WWP1: variants seen among roughly 807,000 people sequenced by gnomAD.
WWP1 encodes the protein WW domain containing E3 ubiquitin protein ligase 1, also known as NEDD4-like E3 ubiquitin-protein ligase WWP1.
In WWP1, 49 loss-of-function variants were observed where a neutral mutation model predicts 130.6. The ratio of observed to expected loss-of-function variants is 0.38; its 90% CI spans 0.30 to 0.48. The LOEUF is 0.48. Ranked by LOEUF, WWP1 falls within the 20% of genes least tolerant of loss-of-function variation. The pLI is 0.99. For missense variants in WWP1, 809 were observed against 1,100.6 expected, an observed-to-expected ratio of 0.74 and a Z score of 3.75; for synonymous variants, 332 against 367.8, an observed-to-expected ratio of 0.90 and a Z score of 1.11.
Position 86,428,115 on chromosome 8 carries a change from A to G in WWP1, c.1332+298A>G, listed in dbSNP as rs116431156. Reference sequence around the variant, plus strand: ...TTCTTAACAAAATAATATTTTTACTAATTTTCAATCTTCCACTTTTATAAA... The same window carrying G: ...TTCTTAACAAAATAATATTTTTACTGATTTTCAATCTTCCACTTTTATAAA... On this transcript the variant is annotated intron_variant, in intron 11 of 24. Coordinates refer to ENST00000517970, the MANE Select transcript of WWP1 (RefSeq NM_007013.4). 9.9e-3 allele frequency among the ~76,000 whole-genome samples: 1,504 copies of G among 152,240 alleles called. 28 individuals are homozygous for G. Among genetic ancestry groups the G allele is most frequent in the African/African-American group, 0.035 (1,434 of 41,560 alleles).
intron 5 of WWP1, among the ~76,000 whole-genome samples, chr8:86,396,053 C>T (rs914045296): frequency 5.3e-5 from 8 of 151,652 alleles, no homozygotes; most frequent in African/African-American, 1.7e-4. Flanking sequence ...ATATAGTTTT[C>T]TTCAGATATT....
chr8:86,356,668 G>A (rs1245662021), intron 1 of WWP1, among the ~76,000 whole-genome samples: 4 of 152,016 alleles, frequency 2.6e-5, no homozygotes, highest in Non-Finnish European at 4.4e-5. Flanking sequence ...TAGCTGCTTA[G>A]GTTAAAAATT....
rs575524284 is a variant in WWP1, at chr8:86,359,952, G to A, written c.-114-8987G>A. On this transcript the variant is annotated intron_variant, in intron 1 of 24. Transcript: ENST00000517970. ...TAGTCCCAGCTACTCAGGAGGCTGA[G>A]GCAGGAGAATGGCGTGAACCCGGGA... 1.3e-3 allele frequency among the ~76,000 whole-genome samples: 205 copies of A among 152,110 alleles called. 1 individual carries two copies. The highest frequency in any genetic ancestry group is 4.9e-3 in the African/African-American group (202 of 41,490).
At chr8:86,427,602 A>C (rs1465632611) in intron 10 of WWP1, 41 bp from the exon 11 acceptor site, 1 of 1,499,714 alleles carries the variant, frequency 6.7e-7, no homozygotes, top group Non-Finnish European at 9.0e-7. Context: ...TCATTTTCTT[A>C]TATTGAGAGA....
At chr8:86,439,090 TC>T (rs1487299921) in intron 17 of WWP1, among the ~76,000 whole-genome samples, 1 of 149,976 alleles carries the variant, frequency 6.7e-6, no homozygotes, top group East Asian at 1.9e-4. Context: ...ACGCCTGTAA[TC>T]CCAGCACTTT....
chr8:86,463,062 G>A lies in WWP1; in HGVS notation c.2669+1216G>A, dbSNP rs548797497. Among the ~76,000 whole-genome samples the A allele has an allele frequency of 9.0e-4, 137 of 152,198 alleles. 2 individuals carry two copies. Among genetic ancestry groups the A allele is most frequent in the Non-Finnish European group, 1.2e-3 (85 of 68,016 alleles). On this transcript the variant is annotated intron_variant, in intron 24 of 24. Coordinates refer to ENST00000517970, the MANE Select transcript of WWP1 (RefSeq NM_007013.4). ...GATTTTCTTGAAGGAAAGCTTTTGG[G>A]CAGTTGTTTGAGTTGAAAGCTGAAC...
At chr8:86,408,347 GTCT>G (rs762283634) in intron 8 of WWP1, among the ~76,000 whole-genome samples, 2 of 152,150 alleles carry the variant, frequency 1.3e-5, no homozygotes, top group African/African-American at 2.4e-5. Context: ...GTGAATATAA[GTCT>G]TCAATTCAGT....
chr8:86,375,063 C>G (rs192125899), intron 3 of WWP1, among the ~76,000 whole-genome samples: 1 of 151,948 alleles, frequency 6.6e-6, no homozygotes, highest in African/African-American at 2.4e-5. Context: ...CTGTTTTTAT[C>G]CTACTACACC....
In WWP1 at chr8:86,411,853, A is replaced by G. The variant is rs780671317; in HGVS notation, c.1040A>G (p.Asn347Ser). ...GTACGGCAGCAGTCTGGGAATGCCA[A>G]CACAGAAACCTTGCCATCAGGGTAT... ...DPVRQQSGNA[N>S]TETLPSGWEQ... is the part of the protein sequence containing the mutation. The change falls in exon 9 of 25, where the codon AAC becomes AGC. Residue 347 changes from asparagine to serine, a missense_variant. Asn to Ser is a conservative substitution (Grantham distance 46). Coordinates refer to ENST00000517970, the MANE Select transcript of WWP1 (RefSeq NM_007013.4). 5.8e-5 allele frequency: 94 copies of G among 1,608,278 alleles called. No individual in the cohort carries two copies. Among genetic ancestry groups the G allele is most frequent in the Non-Finnish European group, 7.6e-5 (89 of 1,176,056 alleles).
At chr8:86,458,475 T>G (rs1811577106) in intron 22 of WWP1, among the ~76,000 whole-genome samples, 1 of 152,208 alleles carries the variant, frequency 6.6e-6, no homozygotes, top group African/African-American at 2.4e-5. Flanking sequence ...TATGTATTTT[T>G]TTAGCGTGTG....
chr8:86,353,556 A>C (rs13265266), intron 1 of WWP1, among the ~76,000 whole-genome samples: 22,057 of 151,818 alleles, frequency 0.15, 1,770 homozygotes, highest in Non-Finnish European at 0.19. Flanking sequence ...GCAGTGGTGC[A>C]GTCTCAGCTC....
chr8:86,428,069 G>A (rs757120136), intron 11 of WWP1, among the ~76,000 whole-genome samples: 1 of 151,434 alleles, frequency 6.6e-6, no homozygotes, highest in Non-Finnish European at 1.5e-5. Context: ...TATATCCTAC[G>A]GGGTAGTTTC....
chr8:86,372,585 T>C (rs1308901246), intron 2 of WWP1, among the ~76,000 whole-genome samples: 4 of 152,244 alleles, frequency 2.6e-5, no homozygotes, highest in Non-Finnish European at 5.9e-5. Flanking sequence ...ATGTCATTGG[T>C]CCATCTTGAA....
At chr8:86,431,999 A>G (rs1352455319) in intron 14 of WWP1, among the ~76,000 whole-genome samples, 7 of 152,188 alleles carry the variant, frequency 4.6e-5, no homozygotes. Flanking sequence ...TTATCTTCCA[A>G]TAACCCCTTG....
At chr8:86,414,974 G>C (rs1008885566) in intron 9 of WWP1, among the ~76,000 whole-genome samples, 4 of 137,240 alleles carry the variant, frequency 2.9e-5, no homozygotes, top group Non-Finnish European at 1.5e-5. Flanking sequence ...GTTGGACTTA[G>C]GGTAGGAGAG....
At chr8:86,420,038 A>G (rs1809111446) in intron 9 of WWP1, among the ~76,000 whole-genome samples, 1 of 152,208 alleles carries the variant, frequency 6.6e-6, no homozygotes, top group Non-Finnish European at 1.5e-5. Context: ...TAGGTTTCCA[A>G]AAGTTCACTT....
chr8:86,375,431 T>C (rs1408590167), intron 3 of WWP1, among the ~76,000 whole-genome samples: 1 of 152,176 alleles, frequency 6.6e-6, no homozygotes, highest in Non-Finnish European at 1.5e-5. Flanking sequence ...GCCCTGTAGG[T>C]TCACATTTTT....
chr8:86,435,759 T>G (rs1810253823), intron 16 of WWP1, 55 bp downstream of exon 16: 2 of 1,553,016 alleles, frequency 1.3e-6, no homozygotes, highest in African/African-American at 2.7e-5. Flanking sequence ...ATTCTGTGCA[T>G]CTAAAGAAAG....
intron 1 of WWP1, among the ~76,000 whole-genome samples, chr8:86,354,946 T>A (rs563998205): frequency 2.0e-4 from 31 of 152,164 alleles, no homozygotes; most frequent in East Asian, 1.4e-3. Context: ...CACCTTTTTT[T>A]AAAAAAACCC....
Sources: allele counts gnomAD v4.1 joint callset (sites outside exome capture counted in the v4.1 genomes callset), GRCh38; gene constraint gnomAD v4.1.1; transcripts MANE v1.5; gene names NCBI Gene and HGNC (gene_info 2026-07-23, HGNC 2026-07-21).